EXOC6: variants seen among roughly 807,000 people sequenced by gnomAD.
EXOC6 encodes SEC15-like 1.
In EXOC6, 60 loss-of-function variants were observed where a neutral mutation model predicts 112.5. That is an observed-to-expected ratio of 0.53 (90% CI 0.43 to 0.66). The LOEUF (loss-of-function observed/expected upper bound fraction) is 0.66. EXOC6 is among the 30% of genes least tolerant of loss of function. The pLI is 0.00. For missense variants in EXOC6, 855 were observed against 957.1 expected (o/e 0.89, Z 1.41); for synonymous variants, 295 against 308.0 (o/e 0.96, Z 0.44).
intron 20 of EXOC6, among the ~76,000 whole-genome samples, chr10:93,043,590 A>G (rs904813130): frequency 2.6e-5 from 4 of 152,188 alleles, no homozygotes; most frequent in African/African-American, 9.7e-5. Flanking sequence ...GATTATGCAA[A>G]GTGTCAATGG....
chr10:92,856,134 G>A (rs1453411089), intron 1 of EXOC6, among the ~76,000 whole-genome samples: 1 of 151,934 alleles, frequency 6.6e-6, no homozygotes, highest in African/African-American at 2.4e-5. Context: ...AAATTTCTGG[G>A]ATTACAGGCA....
At chr10:92,965,572 A>G (rs1318353272) in intron 17 of EXOC6, among the ~76,000 whole-genome samples, 1 of 152,202 alleles carries the variant, frequency 6.6e-6, no homozygotes, top group East Asian at 1.9e-4. Flanking sequence ...TCTGGGTTCA[A>G]CTGTAGAACT....
At chr10:92,841,797 T>C (rs1846862878) in intron 1 of EXOC6, among the ~76,000 whole-genome samples, 1 of 152,224 alleles carries the variant, frequency 6.6e-6, no homozygotes, top group Non-Finnish European at 1.5e-5. Flanking sequence ...AATTCTGCCT[T>C]TATAATTACT....
At position 93,058,336 on chromosome 10, in the gene EXOC6, G is replaced by GT; in HGVS notation, c.2397dup (p.Met800TyrfsTer23). On this transcript the variant is annotated frameshift_variant, in exon 22 of 22. Transcript: ENST00000260762. LOFTEE classifies it high-confidence loss of function. The stretch of plus-strand genomic sequence containing the variant: ...AAACAGCTGAGAAGTTTGGTGAATG[G>GT]TATGTCCCAGCACATGTAGACCTCA... 6.2e-7 allele frequency: 1 copy of GT among 1,611,136 alleles called. No homozygotes were observed. The highest frequency in any genetic ancestry group is 8.5e-7 in the Non-Finnish European group (1 of 1,179,436).
intron 1 of EXOC6, among the ~76,000 whole-genome samples, chr10:92,852,673 T>A (rs1589698782): frequency 6.6e-6 from 1 of 152,146 alleles, no homozygotes; most frequent in South Asian, 2.1e-4. Context: ...AAAGAAAAGT[T>A]GTATGATCAT....
intron 8 of EXOC6, among the ~76,000 whole-genome samples, chr10:92,924,789 G>A (rs1851617987): frequency 6.6e-6 from 1 of 152,062 alleles, no homozygotes; most frequent in African/African-American, 2.4e-5. Context: ...CCTGAATAGT[G>A]TACATTGTAC....
intron 20 of EXOC6, among the ~76,000 whole-genome samples, chr10:93,039,841 A>G (rs925414480): frequency 7.9e-5 from 12 of 152,162 alleles, no homozygotes; most frequent in Admixed American, 7.2e-4. Context: ...TACTGCTTCA[A>G]CTGTGTGGCA....
At chr10:93,052,644 G>T (rs1846354555) in intron 20 of EXOC6, among the ~76,000 whole-genome samples, 1 of 152,194 alleles carries the variant, frequency 6.6e-6, no homozygotes, top group Non-Finnish European at 1.5e-5. Context: ...TCAAGCACAT[G>T]ATTTTGCCTT....
chr10:93,004,587 T>G (rs1390280724), intron 19 of EXOC6, among the ~76,000 whole-genome samples: 1 of 152,242 alleles, frequency 6.6e-6, no homozygotes, highest in Non-Finnish European at 1.5e-5. Flanking sequence ...TTAAAATGTT[T>G]CCTTGTAGGG....
chr10:92,954,485 A>G, intron 15 of EXOC6, 145 bp from the exon 16 acceptor site: 1 of 444,646 alleles, frequency 2.2e-6, no homozygotes, highest in Non-Finnish European at 3.9e-6. Context: ...TTGTGATTTA[A>G]TAAATATGGG....
chr10:92,973,993 G>A, intron 17 of EXOC6, 60 bp from the exon 18 acceptor site: 2 of 1,289,902 alleles, frequency 1.6e-6, no homozygotes, highest in Non-Finnish European at 2.1e-6. Flanking sequence ...ATCTAGAATT[G>A]TAAGAACACT....
intron 1 of EXOC6, among the ~76,000 whole-genome samples, chr10:92,876,929 A>G (rs1848708920): frequency 6.7e-6 from 1 of 149,950 alleles, no homozygotes. Flanking sequence ...TTCCGGAGGT[A>G]AAAAAGAACT....
chr10:92,831,817 GAGAA>G (rs1403048867), upstream of EXOC6, among the ~76,000 whole-genome samples: 1 of 152,230 alleles, frequency 6.6e-6, no homozygotes, highest in Non-Finnish European at 1.5e-5. Context: ...TAAAGAGAGA[GAGAA>G]AGAGAGTAAA....
At chr10:93,036,353 G>A (rs1845516360) in intron 20 of EXOC6, among the ~76,000 whole-genome samples, 2 of 152,166 alleles carry the variant, frequency 1.3e-5, no homozygotes, top group Admixed American at 1.3e-4. Context: ...ATGCACACAT[G>A]TAGTTATTTC....
upstream of EXOC6, chr10:92,848,416 G>C (rs1046630107): frequency 1.2e-6 from 1 of 849,958 alleles, no homozygotes; most frequent in Admixed American, 6.1e-5. Flanking sequence ...GCGCGCCCCC[G>C]CGCCGCCGGC....
chr10:92,930,280 A>T (rs1175580456), intron 9 of EXOC6, among the ~76,000 whole-genome samples: 1 of 152,178 alleles, frequency 6.6e-6, no homozygotes, highest in Non-Finnish European at 1.5e-5. Context: ...AGGCAGGCGG[A>T]TCACCTAAGG....
intron 14 of EXOC6, 72 bp from the exon 15 acceptor site, chr10:92,952,201 T>G (rs1384018808): frequency 7.8e-6 from 7 of 896,756 alleles, no homozygotes. Context: ...TCAATTTAAT[T>G]TTACATTTTT....
At chr10:92,870,306 T>G (rs568874546) in intron 1 of EXOC6, among the ~76,000 whole-genome samples, 1 of 152,314 alleles carries the variant, frequency 6.6e-6, no homozygotes, top group South Asian at 2.1e-4. Flanking sequence ...TAAGGAAGTA[T>G]TCACCAATAC....
chr10:93,005,205 G>A (rs1007102382), intron 19 of EXOC6, among the ~76,000 whole-genome samples: 2 of 152,102 alleles, frequency 1.3e-5, no homozygotes, highest in Admixed American at 6.6e-5. Flanking sequence ...GAATATAGAG[G>A]TTAACTTTTG....
Sources: gnomAD v4.1 joint callset for allele counts (sites outside exome capture counted in the v4.1 genomes callset) on GRCh38, gnomAD v4.1.1 for gene constraint, MANE v1.5 for transcripts, NCBI Gene and HGNC (gene_info 2026-07-23, HGNC 2026-07-21) for gene names.